MAGI2: variants seen among roughly 807,000 people sequenced by gnomAD.
MAGI2 encodes the protein membrane associated guanylate kinase, WW and PDZ domain containing 2, also known as membrane-associated guanylate kinase, WW and PDZ domain-containing protein 2.
A neutral mutation model predicts 133.3 loss-of-function variants in MAGI2; 35 were observed. The observed-to-expected ratio is 0.26, with a 90% CI of 0.20 to 0.35. MAGI2 has a LOEUF of 0.35. MAGI2 is among the 10% of genes least tolerant of loss of function. The pLI is 1.00. For missense variants in MAGI2, 1,636 were observed against 1,863.4 expected (o/e 0.88, Z 2.25); for synonymous variants, 729 against 710.6 (o/e 1.03, Z -0.41).
intron 1 of MAGI2, among the ~76,000 whole-genome samples, chr7:79,353,061 A>C (rs1841790105): frequency 6.6e-6 from 1 of 152,108 alleles, no homozygotes. Flanking sequence ...GAGACTAGAA[A>C]TGTGTTCCTC....
At chr7:78,643,245 G>C (rs1810495632) in intron 2 of MAGI2, among the ~76,000 whole-genome samples, 1 of 152,162 alleles carries the variant, frequency 6.6e-6, no homozygotes, top group Non-Finnish European at 1.5e-5. Flanking sequence ...ACTAAGAAAT[G>C]CCAAGAAAGT....
At chr7:78,934,617 A>G (rs1330698339) in intron 2 of MAGI2, among the ~76,000 whole-genome samples, 1 of 152,144 alleles carries the variant, frequency 6.6e-6, no homozygotes, top group East Asian at 1.9e-4. Context: ...AAAATTATTA[A>G]AAATATCGTA....
At chr7:78,789,793 A>C (rs1443764729) in intron 2 of MAGI2, among the ~76,000 whole-genome samples, 1 of 152,202 alleles carries the variant, frequency 6.6e-6, no homozygotes, top group Non-Finnish European at 1.5e-5. Context: ...CATCTTATTC[A>C]TTCTATCTCT....
At chr7:78,323,952 T>TA (rs1562822847) in intron 9 of MAGI2, among the ~76,000 whole-genome samples, 1 of 152,138 alleles carries the variant, frequency 6.6e-6, no homozygotes, top group Non-Finnish European at 1.5e-5. Flanking sequence ...CCCATGCTGG[T>TA]ATGAAATTTC....
At chr7:78,866,795 A>G (rs1211979119) in intron 2 of MAGI2, among the ~76,000 whole-genome samples, 1 of 152,170 alleles carries the variant, frequency 6.6e-6, no homozygotes, top group Non-Finnish European at 1.5e-5. Flanking sequence ...GGGACAGAGA[A>G]AAACAACCTA....
intron 2 of MAGI2, among the ~76,000 whole-genome samples, chr7:78,944,707 C>CTATTTATTTATTTATT (rs56177719): frequency 1.4e-5 from 2 of 147,478 alleles, no homozygotes; most frequent in African/African-American, 5.0e-5. Context: ...AAATAGACTA[C>CTATTTATTTATTTATT]TATTTATTTA....
chr7:78,464,817 A>G (rs1438042041), intron 6 of MAGI2, among the ~76,000 whole-genome samples: 1 of 151,906 alleles, frequency 6.6e-6, no homozygotes, highest in Non-Finnish European at 1.5e-5. Flanking sequence ...TGGTACTTGA[A>G]CTTTTCAAAT....
At chr7:79,002,728 G>T (rs145053332) in intron 2 of MAGI2, among the ~76,000 whole-genome samples, 1 of 151,544 alleles carries the variant, frequency 6.6e-6, no homozygotes, top group East Asian at 1.9e-4. Flanking sequence ...CTGCACAATT[G>T]TCTTCTTAAG....
chr7:78,785,258 C>T (rs113678249), intron 2 of MAGI2, among the ~76,000 whole-genome samples: 41 of 152,234 alleles, frequency 2.7e-4, no homozygotes, highest in African/African-American at 8.9e-4. Context: ...TTTTGTTCTG[C>T]TTCAAGTCAG....
At chr7:79,301,495 T>C (rs575712055) in intron 1 of MAGI2, among the ~76,000 whole-genome samples, 1 of 152,306 alleles carries the variant, frequency 6.6e-6, no homozygotes, top group Admixed American at 6.5e-5. Flanking sequence ...ATTTCTCCCT[T>C]TTGGAACAAA....
At chr7:78,384,986 A>T (rs1795247236) in intron 6 of MAGI2, among the ~76,000 whole-genome samples, 6 of 152,170 alleles carry the variant, frequency 3.9e-5, no homozygotes. Context: ...ACAATTTTAC[A>T]TGCTGCTAAA....
chr7:78,741,043 A>C (rs1413153051), intron 2 of MAGI2, among the ~76,000 whole-genome samples: 4 of 152,170 alleles, frequency 2.6e-5, no homozygotes, highest in African/African-American at 9.7e-5. Flanking sequence ...GAAGATAGAA[A>C]AAAAGCAAAG....
intron 1 of MAGI2, among the ~76,000 whole-genome samples, chr7:79,093,389 C>G (rs1817234048): frequency 6.6e-6 from 1 of 152,156 alleles, no homozygotes; most frequent in South Asian, 2.1e-4. Context: ...ATCCAGACCA[C>G]CACAATAAAG....
chr7:79,168,796 T>C (rs1825196370), intron 1 of MAGI2, among the ~76,000 whole-genome samples: 1 of 151,668 alleles, frequency 6.6e-6, no homozygotes, highest in African/African-American at 2.4e-5. Flanking sequence ...ACCCTGGCAG[T>C]AGGCCCCTAA....
rs1357672000 is a variant in MAGI2 at position 78,019,195 on chromosome 7, A to G, written c.*120T>C. The G allele has an allele frequency of 1.7e-6, 2 of 1,204,234 alleles. No individual in the cohort carries two copies. Among genetic ancestry groups the G allele is most frequent in the Non-Finnish European group, 2.3e-6 (2 of 868,424 alleles). The allele number at this position is 1,204,234 out of a possible 1,614,324, so 74.6% of individuals were successfully genotyped here. A position where few individuals can be genotyped will look rare whatever the true frequency, so the allele number is the denominator to read the frequency against. ...CGTGGGACTTCACGTCGATGCTCCCAGGCCTTGGTGCCTCGTGGATCTATG... is the reference window on the plus strand; with the variant it reads ...CGTGGGACTTCACGTCGATGCTCCCGGGCCTTGGTGCCTCGTGGATCTATG... On this transcript the variant is annotated 3_prime_UTR_variant, in exon 22 of 22. Coordinates refer to ENST00000354212, the MANE Select transcript of MAGI2 (RefSeq NM_012301.4).
chr7:79,393,854 C>T (rs1197579861), intron 1 of MAGI2, among the ~76,000 whole-genome samples: 1 of 152,088 alleles, frequency 6.6e-6, no homozygotes, highest in Non-Finnish European at 1.5e-5. Flanking sequence ...CTAAAATGAC[C>T]CAGATGTCCA....
intron 20 of MAGI2, among the ~76,000 whole-genome samples, chr7:78,083,155 A>G (rs941632581): frequency 6.6e-6 from 1 of 151,948 alleles, no homozygotes; most frequent in Admixed American, 6.6e-5. Context: ...AAACCAATAG[A>G]AAATTCGCAG....
chr7:78,789,209 A>T (rs976554002), intron 2 of MAGI2, among the ~76,000 whole-genome samples: 1 of 152,216 alleles, frequency 6.6e-6, no homozygotes, highest in South Asian at 2.1e-4. Context: ...ATTTAGAATT[A>T]AAAAAACCAA....
rs184548070 is a variant in MAGI2, at chr7:78,517,189, C to T, written c.754+4241G>A. Among the ~76,000 whole-genome samples the T allele has an allele frequency of 3.8e-4, 58 of 152,032 alleles. No individual in the cohort carries two copies. In the East Asian group the frequency reaches 4.8e-3, roughly 13 times the overall value. On this transcript the variant is annotated intron_variant, in intron 4 of 21. Transcript: ENST00000354212. ...TAGGTGATGTTAATGTTAAGGTTTC[C>T]GGGGGATATAAATTTTAAACATCGG...
Sources: gnomAD v4.1 joint callset for allele counts (sites outside exome capture counted in the v4.1 genomes callset) on GRCh38, gnomAD v4.1.1 for gene constraint, MANE v1.5 for transcripts, NCBI Gene and HGNC (gene_info 2026-07-23, HGNC 2026-07-21) for gene names.